The following TRAM2 variants were observed in gnomAD, a reference collection of about 807,000 sequenced individuals.
TRAM2 encodes translocating chain-associated membrane protein 2.
TRAM2 carries 12 observed loss-of-function variants against 51.0 expected under a neutral mutation model. That is an observed-to-expected ratio of 0.24 (90% confidence interval 0.15 to 0.38). The LOEUF is 0.38. Among genes scored for constraint, TRAM2 ranks in the 10% least tolerant of loss-of-function variants. The pLI is 1.00. For synonymous variants in TRAM2, 175 were observed against 179.4 expected (o/e 0.98, Z 0.20); for missense variants, 361 against 462.0 (o/e 0.78, Z 2.00).
chr6:52,566,380 G>A (rs942014265), intron 1 of TRAM2, among the ~76,000 whole-genome samples: 1 of 152,056 alleles, frequency 6.6e-6, no homozygotes, highest in Non-Finnish European at 1.5e-5. Flanking sequence ...GCTGCTTTGG[G>A]GGCTTGCTTC....
intron 3 of TRAM2, 164 bp from the exon 4 acceptor site, chr6:52,516,286 C>G: frequency 1.5e-6 from 1 of 663,670 alleles, no homozygotes; most frequent in Non-Finnish European, 2.6e-6. Context: ...GCATACAGTG[C>G]TTGGTCTAAG....
At chr6:52,540,717 A>G (rs1223122773) in intron 1 of TRAM2, among the ~76,000 whole-genome samples, 1 of 152,226 alleles carries the variant, frequency 6.6e-6, no homozygotes, top group Non-Finnish European at 1.5e-5. Flanking sequence ...GAGAACCAGG[A>G]GCCTATTAAA....
chr6:52,522,775 C>T lies in TRAM2; in HGVS notation c.185-6038G>A, dbSNP rs1581876104. On this transcript the variant is annotated intron_variant, in intron 2 of 10. Transcript: ENST00000182527. ...AGACCTGAAATAATCAGAATCTTGG[C>T]TGTTTTGACAACCTCTGTGAGCAGC... is the stretch of plus-strand genomic sequence containing the variant. The T allele has an allele frequency of 3.5e-5, 21 of 598,874 alleles. 1 individual carries two copies. In the East Asian group the frequency reaches 5.7e-4, roughly 16 times the overall value. 37.1% of individuals were successfully genotyped at this position (598,874 alleles called of 1,614,324 possible).
At chr6:52,550,111 G>A (rs1191713523) in intron 1 of TRAM2, among the ~76,000 whole-genome samples, 3 of 152,112 alleles carry the variant, frequency 2.0e-5, no homozygotes, top group African/African-American at 7.2e-5. Context: ...GTGGGCTTCC[G>A]ATGGAATCTG....
At chr6:52,519,877 G>T (rs1459583767) in intron 2 of TRAM2, among the ~76,000 whole-genome samples, 2 of 151,532 alleles carry the variant, frequency 1.3e-5, no homozygotes, top group East Asian at 3.9e-4. Flanking sequence ...ATTAGACTAA[G>T]TTGAATAAGT....
intron 7 of TRAM2, among the ~76,000 whole-genome samples, chr6:52,507,333 C>T (rs1367672282): frequency 6.6e-6 from 1 of 152,228 alleles, no homozygotes; most frequent in Non-Finnish European, 1.5e-5. Context: ...GTTCATCACT[C>T]TCAACTGTCC....
intron 2 of TRAM2, among the ~76,000 whole-genome samples, chr6:52,530,129 ATTGT>A (rs1403532600): frequency 1.7e-4 from 26 of 152,208 alleles, no homozygotes; most frequent in African/African-American, 5.5e-4. Context: ...AAAGATATTT[ATTGT>A]TTATCTGAAA....
chr6:52,504,140 G>A (rs879891782), intron 10 of TRAM2, among the ~76,000 whole-genome samples: 4 of 152,218 alleles, frequency 2.6e-5, no homozygotes, highest in Non-Finnish European at 5.9e-5. Context: ...CTATGTCACT[G>A]TGAGTCATTC....
chr6:52,550,388 T>C (rs1767286241), intron 1 of TRAM2, among the ~76,000 whole-genome samples: 1 of 152,176 alleles, frequency 6.6e-6, no homozygotes, highest in South Asian at 2.1e-4. Flanking sequence ...GTCCACGCCC[T>C]TGTTAATAGT....
At chr6:52,570,792 A>ACCC (rs1487796614) in intron 1 of TRAM2, among the ~76,000 whole-genome samples, 47 of 32,840 alleles carry the variant, frequency 1.4e-3, no homozygotes, top group African/African-American at 5.5e-3. Context: ...CTCCCTGCCC[A>ACCC]CCACCCCCCC....
intron 1 of TRAM2, among the ~76,000 whole-genome samples, chr6:52,552,214 C>T (rs967648082): frequency 6.6e-6 from 1 of 152,236 alleles, no homozygotes; most frequent in Non-Finnish European, 1.5e-5. Flanking sequence ...TTCCAGGCTC[C>T]TCCCCCATGC....
Position 52,502,126 on chromosome 6 carries a change from C to T in TRAM2, c.*1071G>A, listed in dbSNP as rs573679206. The T allele has an allele frequency of 6.6e-6, 1 of 152,396 alleles. No individual in the cohort carries two copies. The highest frequency in any genetic ancestry group is 2.4e-5 in the African/African-American group (1 of 41,586). The allele number at this position is 152,396 out of a possible 1,614,324, so 9.4% of individuals were successfully genotyped here. A position where few individuals can be genotyped will look rare whatever the true frequency, so the allele number is the denominator to read the frequency against. On this transcript the variant is annotated 3_prime_UTR_variant, in exon 11 of 11. Transcript: ENST00000182527. ...GGTCCAAGTGACCCTCCCTGAACAC[C>T]AAGGGACCAGCATGGGGCTGAAGCC...
At chr6:52,570,806 CA>C (rs369342033) in intron 1 of TRAM2, among the ~76,000 whole-genome samples, 7 of 132,722 alleles carry the variant, frequency 5.3e-5, no homozygotes, top group Admixed American at 3.6e-4. Flanking sequence ...CCCCCCCCCC[CA>C]CACGCACACA....
chr6:52,550,532 T>C (rs552181811), intron 1 of TRAM2, among the ~76,000 whole-genome samples: 3 of 152,250 alleles, frequency 2.0e-5, no homozygotes, highest in East Asian at 1.9e-4. Context: ...CTGCTGGCAA[T>C]GGGACACTAT....
chr6:52,550,495 T>C (rs1767288166), intron 1 of TRAM2, among the ~76,000 whole-genome samples: 2 of 152,318 alleles, frequency 1.3e-5, no homozygotes, highest in African/African-American at 4.8e-5. Flanking sequence ...TAACACCATA[T>C]GATAATAATT....
At chr6:52,505,270 G>C (rs1325121552) in intron 9 of TRAM2, among the ~76,000 whole-genome samples, 1 of 152,196 alleles carries the variant, frequency 6.6e-6, no homozygotes, top group Non-Finnish European at 1.5e-5. Context: ...TTAAGCACAT[G>C]GTTTTAAAGC....
At position 52,572,589 on chromosome 6, in the gene TRAM2, C is replaced by T. The variant is rs961877874; in HGVS notation, c.120+4207G>A. On this transcript the variant is annotated intron_variant, in intron 1 of 10. Coordinates refer to ENST00000182527, the MANE Select transcript of TRAM2 (RefSeq NM_012288.4). The stretch of plus-strand genomic sequence containing the variant: ...CTGCACTCCAGCCTGTGTGACAGAG[C>T]GAGACTCCTTCTCAAGTTGATCCGT... 2.6e-4 allele frequency among the ~76,000 whole-genome samples: 40 copies of T among 152,158 alleles called. 1 individual carries two copies. The highest frequency in any genetic ancestry group is 1.9e-4 in the East Asian group (1 of 5,202).
chr6:52,525,940 G>A (rs970595316), intron 2 of TRAM2, among the ~76,000 whole-genome samples: 2 of 152,066 alleles, frequency 1.3e-5, no homozygotes, highest in Non-Finnish European at 2.9e-5. Flanking sequence ...GAGGGAGGGT[G>A]ATGACAAGAG....
chr6:52,500,042 AC>A lies in TRAM2; in HGVS notation c.*3154del, dbSNP rs1228094792. The A allele has an allele frequency of 6.6e-6, 1 of 152,306 alleles. No homozygotes were observed. Among genetic ancestry groups the A allele is most frequent in the Non-Finnish European group, 1.5e-5 (1 of 68,130 alleles). 9.4% of individuals were successfully genotyped at this position (152,306 alleles called of 1,614,324 possible). On this transcript the variant is annotated 3_prime_UTR_variant, in exon 11 of 11. Transcript: ENST00000182527. Reference sequence around the variant, plus strand: ...AGCGGGTAGCACAGATCCTTGGTCCACCAGCGCCACCTCCCTCTCCTCCTGC... The same window carrying A: ...AGCGGGTAGCACAGATCCTTGGTCCACAGCGCCACCTCCCTCTCCTCCTGC...
Sources: gnomAD v4.1 joint callset for allele counts (sites outside exome capture counted in the v4.1 genomes callset) on GRCh38, gnomAD v4.1.1 for gene constraint, MANE v1.5 for transcripts, NCBI Gene and HGNC (gene_info 2026-07-23, HGNC 2026-07-21) for gene names.